Variants in ABCC1 observed in about 807,000 individuals in gnomAD.
ABCC1 encodes ATP binding cassette subfamily C member 1 (ABCC1 blood group), also known as multidrug resistance-associated protein 1.
Under a neutral mutation model 172.9 loss-of-function variants are expected in ABCC1, and 83 were observed. The ratio of observed to expected loss-of-function variants is 0.48; its 90% CI spans 0.40 to 0.58. The LOEUF is 0.58. ABCC1 is among the 20% of genes least tolerant of loss of function. The pLI, the probability that ABCC1 is intolerant of heterozygous loss-of-function variation, is 0.00. For missense variants in ABCC1, 1,817 were observed against 2,002.7 expected (o/e 0.91, Z 1.77); for synonymous variants, 937 against 825.2 (o/e 1.14, Z -2.32).
At chr16:16,088,302 G>A (rs2051099746) in intron 18 of ABCC1, among the ~76,000 whole-genome samples, 2 of 152,062 alleles carry the variant, frequency 1.3e-5, no homozygotes, top group Non-Finnish European at 2.9e-5. Context: ...AAAATCAGCC[G>A]AGTGTGGTGA....
intron 15 of ABCC1, among the ~76,000 whole-genome samples, chr16:16,077,320 G>C (rs1286981603): frequency 6.6e-6 from 1 of 152,094 alleles, no homozygotes; most frequent in African/African-American, 2.4e-5. Context: ...AATTCATGGG[G>C]GTACTGCATG....
chr16:16,089,891 A>G (rs1057255097), intron 18 of ABCC1, among the ~76,000 whole-genome samples: 2 of 152,056 alleles, frequency 1.3e-5, no homozygotes, highest in African/African-American at 4.8e-5. Context: ...AAAAAAAAAA[A>G]AAAAAGCCAT....
chr16:16,105,594 C>G (rs1203344097), intron 20 of ABCC1: 4 of 152,108 alleles, frequency 2.6e-5, no homozygotes, highest in Non-Finnish European at 4.4e-5. Flanking sequence ...GGCTCTTGAC[C>G]TCAGTTAGCT....
chr16:16,103,588 AAAAC>A (rs1043737779), intron 20 of ABCC1, among the ~76,000 whole-genome samples: 2 of 152,180 alleles, frequency 1.3e-5, no homozygotes, highest in African/African-American at 4.8e-5. Flanking sequence ...TCAAAAAACA[AAAAC>A]AAAACAAAAC....
At chr16:16,065,606 T>C (rs922204845) in intron 12 of ABCC1, among the ~76,000 whole-genome samples, 12 of 152,162 alleles carry the variant, frequency 7.9e-5, no homozygotes, top group Admixed American at 6.5e-5. Flanking sequence ...CTAATTTTTG[T>C]ATTTTTAGTA....
intron 16 of ABCC1, among the ~76,000 whole-genome samples, chr16:16,082,075 G>C (rs1271569255): frequency 1.3e-5 from 2 of 152,158 alleles, no homozygotes; most frequent in African/African-American, 4.8e-5. Flanking sequence ...TCCCCACCAA[G>C]TATAGGCCCC....
At chr16:15,959,120 A>G (rs2046071182) in intron 1 of ABCC1, among the ~76,000 whole-genome samples, 1 of 152,132 alleles carries the variant, frequency 6.6e-6, no homozygotes, top group African/African-American at 2.4e-5. Flanking sequence ...GGCTGTCGAA[A>G]TTCTAGTGTA....
intron 20 of ABCC1, among the ~76,000 whole-genome samples, chr16:16,105,188 C>T (rs911323388): frequency 4.6e-5 from 7 of 152,374 alleles, no homozygotes; most frequent in African/African-American, 1.7e-4. Context: ...GCTGTCACTT[C>T]TCAATCTTAC....
At position 15,999,822 on chromosome 16, in the gene ABCC1, C is replaced by T. The variant is rs7200100; in HGVS notation, c.49-7994C>T. The stretch of plus-strand genomic sequence containing the variant: ...CTCTCTCTCTCTCCTCTCTCTCTCT[C>T]TCTCTCTCTCTGTCTCTTTCTTTCT... On this transcript the variant is annotated intron_variant, in intron 1 of 30. Transcript: ENST00000399410. Among the ~76,000 whole-genome samples the T allele has an allele frequency of 4.5e-3, 200 of 44,288 alleles. 1 individual carries two copies. Among genetic ancestry groups the T allele is most frequent in the African/African-American group, 0.011 (195 of 17,594 alleles). 29.1% of individuals were successfully genotyped at this position (44,288 alleles called of 152,430 possible).
intron 1 of ABCC1, among the ~76,000 whole-genome samples, chr16:15,975,198 C>G (rs1366988963): frequency 6.6e-6 from 1 of 152,186 alleles, no homozygotes; most frequent in African/African-American, 2.4e-5. Flanking sequence ...AATGTAAGCC[C>G]CATGGCTAGT....
intron 20 of ABCC1, among the ~76,000 whole-genome samples, chr16:16,104,050 C>T (rs565951553): frequency 1.3e-5 from 2 of 152,180 alleles, no homozygotes; most frequent in South Asian, 2.1e-4. Context: ...TGTCTGGAGT[C>T]GTTCGTTCCT....
At chr16:16,000,333 A>G (rs2047260826) in intron 1 of ABCC1, among the ~76,000 whole-genome samples, 1 of 150,298 alleles carries the variant, frequency 6.7e-6, no homozygotes, top group African/African-American at 2.4e-5. Flanking sequence ...TCTAGTAGAG[A>G]CGGGTTTCAC....
At chr16:16,039,568 TGA>T (rs1425403649) in intron 7 of ABCC1, among the ~76,000 whole-genome samples, 3 of 151,986 alleles carry the variant, frequency 2.0e-5, no homozygotes, top group Non-Finnish European at 2.9e-5. Flanking sequence ...TGTGTCCGGC[TGA>T]GAGAGGTGTT....
At chr16:16,077,961 C>G (rs1178909292) in intron 15 of ABCC1, among the ~76,000 whole-genome samples, 1 of 152,082 alleles carries the variant, frequency 6.6e-6, no homozygotes, top group Non-Finnish European at 1.5e-5. Context: ...AGTTCGAGAC[C>G]AGCCTGGCCA....
At chr16:16,138,266 TAG>T in intron 29 of ABCC1, 96 bp from the exon 30 acceptor site, 2 of 1,170,660 alleles carry the variant, frequency 1.7e-6, no homozygotes, top group South Asian at 1.5e-5. Context: ...TCAAGCAACA[TAG>T]AGTGTCTCCT....
chr16:16,077,175 A>G (rs1366559330), intron 15 of ABCC1, among the ~76,000 whole-genome samples: 4 of 152,194 alleles, frequency 2.6e-5, no homozygotes, highest in Non-Finnish European at 5.9e-5. Flanking sequence ...CCCCTTAAGG[A>G]ATCCGCAAAA....
chr16:15,985,975 C>CT (rs148715605), intron 1 of ABCC1, among the ~76,000 whole-genome samples: 12,748 of 151,226 alleles, frequency 0.084, 637 homozygotes, highest in African/African-American at 0.14. Context: ...ATCTCCTTTA[C>CT]TTTTTTTTTA....
Position 16,036,492 on chromosome 16 carries a change from G to A in ABCC1, c.698G>A (p.Arg233His), listed in dbSNP as rs756823111. 4 of 1,613,526 alleles carry A rather than the reference G, an allele frequency of 2.5e-6. No individual in the cohort carries two copies. Among genetic ancestry groups the A allele is most frequent in the Admixed American group, 1.7e-5 (1 of 59,948 alleles). ...CCCAGGTTGATTGTCCGGGGCTACC[G>A]CCAGCCCCTGGAGGGCAGTGACCTC... ...WITGLIVRGYRQPLEGSDLWS... is the reference protein window; with the variant it reads ...WITGLIVRGYHQPLEGSDLWS... The change falls in exon 7 of 31, where the codon CGC (arginine) becomes CAC (histidine). Residue 233 changes from arginine to histidine, a missense_variant. By Grantham distance (29) the Arg-to-His change is conservative. This residue lies in a region of ABCC1 where 398 missense variants were observed against 384.2 expected (regional missense o/e 1.04). Coordinates refer to ENST00000399410, the MANE Select transcript of ABCC1 (RefSeq NM_004996.4).
rs189354137 is a variant in ABCC1, at chr16:16,050,050, C to T, written c.1380+1747C>T. ...TTGCATGCTCAGTGTACTGCCTCCT[C>T]TTTGAAGGGTAACATGTTAGCTACT... On this transcript the variant is annotated intron_variant, in intron 10 of 30. Coordinates refer to ENST00000399410, the MANE Select transcript of ABCC1 (RefSeq NM_004996.4). Among the ~76,000 whole-genome samples, 19 of 152,226 alleles carry T rather than the reference C, an allele frequency of 1.2e-4. No individual in the cohort carries two copies. The East Asian group carries it at 3.5e-3, about 28-fold the overall frequency.
Sources: gnomAD v4.1 joint callset for allele counts (sites outside exome capture counted in the v4.1 genomes callset) on GRCh38, gnomAD v4.1.1 for gene constraint, gnomAD v4.1.1 regional missense constraint, MANE v1.5 for transcripts, NCBI Gene and HGNC (gene_info 2026-07-23, HGNC 2026-07-21) for gene names.